TRNP1: variants seen among roughly 807,000 people sequenced by gnomAD.
The protein encoded by TRNP1 is TMF1 regulated nuclear protein 1, also known as TMF-regulated nuclear protein 1.
A neutral mutation model predicts 12.2 loss-of-function variants in TRNP1; 16 were observed. The observed-to-expected ratio is 1.31, with a 90% CI of 0.89 to 1.99. The LOEUF (loss-of-function observed/expected upper bound fraction) is 1.99. TRNP1 is among the 30% of genes most tolerant of loss of function. TRNP1 has a pLI of 0.00. For synonymous variants in TRNP1, 139 were observed against 166.2 expected (o/e 0.84, Z 1.26); for missense variants, 338 against 330.4 (o/e 1.02, Z -0.18).
rs2082569269 is a variant in TRNP1, at chr1:27,000,832, C to T, written c.*1128C>T. The T allele has an allele frequency of 6.6e-6, 1 of 152,250 alleles. No individual in the cohort carries two copies. The highest frequency in any genetic ancestry group is 1.5e-5 in the Non-Finnish European group (1 of 68,070). 9.4% of individuals were successfully genotyped at this position (152,250 alleles called of 1,614,324 possible). ...CTCCCTTGACCTGACTCACAGCCGC[C>T]TGCTCTTACCCCCCTCCTCAGGAAG... On this transcript the variant is annotated 3_prime_UTR_variant, in exon 2 of 2. Transcript: ENST00000522111.
At chr1:26,997,817 G>A in intron 1 of TRNP1, among the ~76,000 whole-genome samples, 1 of 152,172 alleles carries the variant, frequency 6.6e-6, no homozygotes, top group East Asian at 1.9e-4. Flanking sequence ...GCCACCAGAG[G>A]GCAGTGTGGG....
In TRNP1 at chr1:26,994,030, G is replaced by A. The variant is rs2082531669; in HGVS notation, c.244G>A (p.Gly82Arg). 2 of 1,240,272 alleles carry A rather than the reference G, an allele frequency of 1.6e-6. No homozygotes were observed. The highest frequency in any genetic ancestry group is 3.5e-5 in the South Asian group (1 of 28,500). 76.8% of individuals were successfully genotyped at this position (1,240,272 alleles called of 1,614,324 possible). A position where few individuals can be genotyped will look rare whatever the true frequency, so the allele number is the denominator to read the frequency against. The change falls in exon 1 of 2, where the codon GGG becomes AGG. Residue 82 changes from glycine to arginine, a missense_variant. Physicochemically the swap from Gly to Arg is moderately radical, Grantham distance 125. Transcript: ENST00000522111. This position sits in a 1 kb window ranked among gnomAD's most constrained non-coding sequence, Gnocchi z 6.9. ...GCGCCAGGGCGCTAGCGGGATCGCG[G>A]GGCTCGCCGGCCCCGGAGGGGGCTC... Reference protein sequence around the residue: ...RWRQGASGIAGLAGPGGGSGA... With the variant: ...RWRQGASGIARLAGPGGGSGA...
rs2082535679 is a variant in TRNP1 at position 26,994,532 on chromosome 1, G to A, written c.*62G>A. The A allele has an allele frequency of 5.5e-6, 6 of 1,085,418 alleles. No individual in the cohort carries two copies. Among genetic ancestry groups the A allele is most frequent in the Admixed American group, 5.1e-5 (1 of 19,454 alleles). 67.2% of individuals were successfully genotyped at this position (1,085,418 alleles called of 1,614,324 possible). On this transcript the variant is annotated 3_prime_UTR_variant, in exon 1 of 2. Coordinates refer to ENST00000522111, the MANE Select transcript of TRNP1 (RefSeq NM_001013642.3). This position sits in a 1 kb window ranked among gnomAD's most constrained non-coding sequence, Gnocchi z 6.9. Reference sequence around the variant, plus strand: ...TCGCCGAGGTGCCGACCGACCGACTGATCGCGGACGCCGGCTGGAAGGACT... The same window carrying A: ...TCGCCGAGGTGCCGACCGACCGACTAATCGCGGACGCCGGCTGGAAGGACT...
intron 1 of TRNP1, among the ~76,000 whole-genome samples, chr1:26,995,511 A>T (rs975754078): frequency 2.6e-5 from 4 of 151,852 alleles, no homozygotes; most frequent in African/African-American, 4.8e-5. Flanking sequence ...AGTTAATTTC[A>T]CTCTCACTTA....
At chr1:26,999,154 G>A (rs1256956527) in intron 1 of TRNP1, among the ~76,000 whole-genome samples, 1 of 152,144 alleles carries the variant, frequency 6.6e-6, no homozygotes, top group Non-Finnish European at 1.5e-5. Flanking sequence ...CCAAGGGCTT[G>A]CCTTGGAGGG....
chr1:26,996,042 C>T (rs2082543758), intron 1 of TRNP1, among the ~76,000 whole-genome samples: 1 of 152,200 alleles, frequency 6.6e-6, no homozygotes, highest in Non-Finnish European at 1.5e-5. Flanking sequence ...TTCTCAAGGT[C>T]ACATGCCAGT....
Position 26,993,739 on chromosome 1 carries a change from A to C in TRNP1, c.-48A>C, listed in dbSNP as rs1570773572. On this transcript the variant is annotated 5_prime_UTR_variant, in exon 1 of 2. Coordinates refer to ENST00000522111, the MANE Select transcript of TRNP1 (RefSeq NM_001013642.3). The stretch of plus-strand genomic sequence containing the variant: ...CTAGCTGTTCGGGTGTGCTGTGGTC[A>C]TCCTCCCTGCGCACCTACAGCCGCA... 2 of 1,258,146 alleles carry C rather than the reference A, an allele frequency of 1.6e-6. No homozygotes were observed. Among genetic ancestry groups the C allele is most frequent in the Non-Finnish European group, 2.0e-6 (2 of 1,009,128 alleles). The allele number at this position is 1,258,146 out of a possible 1,614,324, so 77.9% of individuals were successfully genotyped here. A position where few individuals can be genotyped will look rare whatever the true frequency, so the allele number is the denominator to read the frequency against.
Position 26,993,916 on chromosome 1 carries a change from C to T in TRNP1, c.130C>T (p.Pro44Ser). Residue 44 changes from proline (P) to serine (S), a missense_variant, in exon 1 of 2, where the codon CCT becomes TCT. Transcript: ENST00000522111. ...CCCGCCCCCAACTCCGACCTTGACT[C>T]CTACCCCGACCCCGGGTCAGTCCCC... The part of the protein sequence containing the change: ...QPPPPTPTLT[P>S]TPTPGQSPPL... 7.3e-7 allele frequency: 1 copy of T among 1,369,744 alleles called. No homozygotes were observed. The highest frequency in any genetic ancestry group is 9.4e-7 in the Non-Finnish European group (1 of 1,069,022). The allele number at this position is 1,369,744 out of a possible 1,614,324, so 84.8% of individuals were successfully genotyped here.
In TRNP1 at chr1:26,994,444, C is replaced by T. The variant is rs2124191835; in HGVS notation, c.658C>T (p.Arg220Cys). ...CTCGCCCTTCCGCCGCAGCCCGCCC[C>T]GCGGCCCCGCCTCCCCGCAGCGCTG... is the stretch of plus-strand genomic sequence containing the variant. ...PDSPFRRSPP[R>C]GPASPQR The change falls in exon 1 of 2, where the codon CGC becomes TGC. Residue 220 changes from arginine to cysteine, a missense_variant. Physicochemically the swap from Arg to Cys is radical, Grantham distance 180. Coordinates refer to ENST00000522111, the MANE Select transcript of TRNP1 (RefSeq NM_001013642.3). The surrounding 1 kb of genome is among the most constrained non-coding windows in gnomAD (Gnocchi z 6.9). 3.4e-6 allele frequency: 4 copies of T among 1,176,488 alleles called. No individual in the cohort carries two copies. In the African/African-American group the frequency reaches 4.8e-5, roughly 14 times the overall value. 72.9% of individuals were successfully genotyped at this position (1,176,488 alleles called of 1,614,324 possible). A position where few individuals can be genotyped will look rare whatever the true frequency, so the allele number is the denominator to read the frequency against.
At chr1:26,995,528 T>C (rs955942839) in intron 1 of TRNP1, among the ~76,000 whole-genome samples, 4 of 152,252 alleles carry the variant, frequency 2.6e-5, no homozygotes, top group Admixed American at 6.5e-5. Context: ...CTTATCAGTC[T>C]GCGAAGTGGA....
In TRNP1 at chr1:26,993,876, G is replaced by A. The variant is rs1158320780; in HGVS notation, c.90G>A (p.Met30Ile). 1 of 1,374,598 alleles carries A rather than the reference G, an allele frequency of 7.3e-7. No individual in the cohort carries two copies. Among genetic ancestry groups the A allele is most frequent in the Non-Finnish European group, 9.3e-7 (1 of 1,071,466 alleles). 85.2% of individuals were successfully genotyped at this position (1,374,598 alleles called of 1,614,324 possible). A position where few individuals can be genotyped will look rare whatever the true frequency, so the allele number is the denominator to read the frequency against. Residue 30 changes from methionine (M) to isoleucine (I), a missense_variant, in exon 1 of 2, where the codon ATG becomes ATA. Transcript: ENST00000522111. ...QRSPPPPWDP[M>I]PSSQPPPPTP... is the part of the protein sequence containing the mutation. ...CGCCGCCGCCGCCCTGGGATCCCAT[G>A]CCGTCCTCTCAGCCCCCGCCCCCAA...
Position 26,994,470 on chromosome 1 carries a change from A to T in TRNP1, c.684A>T (p.Ter228CysextTer21). 1 of 1,177,258 alleles carries T rather than the reference A, an allele frequency of 8.5e-7. No individual in the cohort carries two copies. 72.9% of individuals were successfully genotyped at this position (1,177,258 alleles called of 1,614,324 possible). ...GCGGCCCCGCCTCCCCGCAGCGCTG[A>T]CCTCCACGCCCGGACCCCTGGCCAC... ...PPRGPASPQR[*>C] The change falls in exon 1 of 2, where the codon TGA (stop) becomes TGT (cysteine). Residue 228 changes from the stop codon to cysteine (C), a stop_lost. Transcript: ENST00000522111. The surrounding 1 kb of genome is among the most constrained non-coding windows in gnomAD (Gnocchi z 6.9).
intron 1 of TRNP1, among the ~76,000 whole-genome samples, chr1:26,997,645 T>G (rs1434143320): frequency 6.6e-6 from 1 of 152,164 alleles, no homozygotes; most frequent in Non-Finnish European, 1.5e-5. Context: ...TTGGGGGACC[T>G]GTGCATTGAG....
In TRNP1 at chr1:26,994,211, C is replaced by A; in HGVS notation, c.425C>A (p.Ala142Glu). ...TTCTTGGCGGCCGAGCTGCGCCTGG[C>A]GCACCGCGCGGAGAGCCTGAGCCGC... ...RVFLAAELRL[A>E]HRAESLSRLS... The change falls in exon 1 of 2, where the codon GCG (alanine) becomes GAG (glutamate). Residue 142 changes from alanine (A) to glutamate (E), a missense_variant. Transcript: ENST00000522111. The surrounding 1 kb of genome is among the most constrained non-coding windows in gnomAD (Gnocchi z 6.9). 7.8e-7 allele frequency: 1 copy of A among 1,281,930 alleles called. No homozygotes were observed. 79.4% of individuals were successfully genotyped at this position (1,281,930 alleles called of 1,614,324 possible).
rs1389033044 is a variant in TRNP1 at position 27,000,075 on chromosome 1, A to T, written c.*371A>T. On this transcript the variant is annotated 3_prime_UTR_variant, in exon 2 of 2. Coordinates refer to ENST00000522111, the MANE Select transcript of TRNP1 (RefSeq NM_001013642.3). ...CATTTGACTTTGGCTTACACTGTAC[A>T]ATTGGAGATGTTGCTACAGGTCCCT... is the stretch of plus-strand genomic sequence containing the variant. The T allele has an allele frequency of 2.0e-5, 3 of 152,340 alleles. No individual in the cohort carries two copies. Among genetic ancestry groups the T allele is most frequent in the Admixed American group, 2.0e-4 (3 of 15,302 alleles). 9.4% of individuals were successfully genotyped at this position (152,340 alleles called of 1,614,324 possible). A position where few individuals can be genotyped will look rare whatever the true frequency, so the allele number is the denominator to read the frequency against.
At chr1:26,997,385 A>G (rs2082550566) in intron 1 of TRNP1, among the ~76,000 whole-genome samples, 1 of 149,544 alleles carries the variant, frequency 6.7e-6, no homozygotes, top group Non-Finnish European at 1.5e-5. Flanking sequence ...GCAAATATTG[A>G]TAGGGGCTCA....
At chr1:26,997,118 C>G (rs2082548831) in intron 1 of TRNP1, among the ~76,000 whole-genome samples, 1 of 151,662 alleles carries the variant, frequency 6.6e-6, no homozygotes, top group African/African-American at 2.4e-5. Flanking sequence ...GGGCCAATCA[C>G]TTGATGTCAG....
At chr1:26,995,004 C>G (rs1345874325) in intron 1 of TRNP1, among the ~76,000 whole-genome samples, 1 of 152,194 alleles carries the variant, frequency 6.6e-6, no homozygotes, top group East Asian at 1.9e-4. Context: ...TTCGGGAGGA[C>G]AGAATAATGA....
At position 26,994,132 on chromosome 1, in the gene TRNP1, C is replaced by T; in HGVS notation, c.346C>T (p.Arg116Cys). 8.1e-7 allele frequency: 1 copy of T among 1,239,244 alleles called. No homozygotes were observed. Among genetic ancestry groups the T allele is most frequent in the Non-Finnish European group, 1.0e-6 (1 of 989,074 alleles). 76.8% of individuals were successfully genotyped at this position (1,239,244 alleles called of 1,614,324 possible). Residue 116 changes from arginine (R) to cysteine (C), a missense_variant, in exon 1 of 2, where the codon CGC becomes TGC. By Grantham distance (180) the Arg-to-Cys change is radical. Transcript: ENST00000522111. The surrounding 1 kb of genome is among the most constrained non-coding windows in gnomAD (Gnocchi z 6.9). ...GCGGCGGCTGCTGGAGGTGGAGGGC[C>T]GCCGGCGCCTGGTGTCGGAGCTGGA... The part of the protein sequence containing the change: ...ARRRLLEVEG[R>C]RRLVSELESR...
Sources: gnomAD v4.1 joint callset for allele counts (sites outside exome capture counted in the v4.1 genomes callset) on GRCh38, gnomAD v4.1.1 for gene constraint, Gnocchi (gnomAD v3.1) non-coding constraint, MANE v1.5 for transcripts, NCBI Gene and HGNC (gene_info 2026-07-23, HGNC 2026-07-21) for gene names.